Variants in RASA1 observed in about 807,000 individuals in gnomAD.
RASA1 encodes ras GTPase-activating protein 1.
Under a neutral mutation model 132.2 loss-of-function variants are expected in RASA1, and 25 were observed. The ratio of observed to expected loss-of-function variants is 0.19; its 90% CI spans 0.14 to 0.26. The LOEUF is 0.26. RASA1 is among the 10% of genes least tolerant of loss of function. RASA1 has a pLI of 1.00. For missense variants in RASA1, 964 were observed against 1,299.2 expected (o/e 0.74, Z 3.97); for synonymous variants, 477 against 449.9 (o/e 1.06, Z -0.76).
At chr5:87,275,711 C>G (rs1032477217) in intron 1 of RASA1, among the ~76,000 whole-genome samples, 4 of 152,128 alleles carry the variant, frequency 2.6e-5, no homozygotes, top group Non-Finnish European at 4.4e-5. Context: ...GCTGGCATTA[C>G]AGGTGCGTGC....
At chr5:87,284,802 C>G (rs1754471727) in intron 1 of RASA1, among the ~76,000 whole-genome samples, 1 of 152,080 alleles carries the variant, frequency 6.6e-6, no homozygotes, top group African/African-American at 2.4e-5. Flanking sequence ...ATCATATCCT[C>G]TAGTTAATAT....
intron 1 of RASA1, among the ~76,000 whole-genome samples, chr5:87,301,431 A>G (rs1041321249): frequency 2.0e-5 from 3 of 152,150 alleles, no homozygotes; most frequent in African/African-American, 7.2e-5. Context: ...TGTGTAATCC[A>G]TACTTAAAGA....
intron 9 of RASA1, among the ~76,000 whole-genome samples, chr5:87,361,192 G>A (rs1310376159): frequency 6.6e-6 from 1 of 152,198 alleles, no homozygotes; most frequent in African/African-American, 2.4e-5. Context: ...CAGCATGTTA[G>A]GGAATGAGCA....
chr5:87,385,441 T>C (rs1444034089), intron 22 of RASA1, 52 bp downstream of exon 22: 2 of 1,341,118 alleles, frequency 1.5e-6, no homozygotes, highest in South Asian at 1.2e-5. Flanking sequence ...AAGTTTGACA[T>C]GATAAAACCA....
In RASA1 at chr5:87,363,380, A is replaced by G; in HGVS notation, c.1486A>G (p.Ile496Val). ...AAAACGTTGGAAAAATTTATATTTT[A>G]TCTTAGAGGGTAGTGATGCCCAACT... ...KGKRWKNLYF[I>V]LEGSDAQLIY... The change falls in exon 11 of 25, where the codon ATC becomes GTC. Residue 496 changes from isoleucine to valine, a missense_variant. Coordinates refer to ENST00000274376, the MANE Select transcript of RASA1 (RefSeq NM_002890.3). 6.2e-7 allele frequency: 1 copy of G among 1,611,160 alleles called. No individual in the cohort carries two copies. Among genetic ancestry groups the G allele is most frequent in the Non-Finnish European group, 8.5e-7 (1 of 1,177,854 alleles).
At chr5:87,356,572 T>TA (rs1341023310) in intron 9 of RASA1, among the ~76,000 whole-genome samples, 1 of 152,072 alleles carries the variant, frequency 6.6e-6, no homozygotes, top group Non-Finnish European at 1.5e-5. Context: ...TTTGTAGAGA[T>TA]AGAGTCTTGC....
intron 1 of RASA1, among the ~76,000 whole-genome samples, chr5:87,302,610 ATAG>A (rs1246553157): frequency 6.6e-6 from 1 of 151,522 alleles, no homozygotes; most frequent in African/African-American, 2.4e-5. Flanking sequence ...ACTGTATAGT[ATAG>A]TATACTATAC....
At chr5:87,361,240 G>A (rs1760070280) in intron 9 of RASA1, among the ~76,000 whole-genome samples, 1 of 152,214 alleles carries the variant, frequency 6.6e-6, no homozygotes, top group Admixed American at 6.5e-5. Context: ...ATAAAAAACA[G>A]GTGGTGGACT....
chr5:87,386,999 C>T (rs1370987097), intron 23 of RASA1, 96 bp downstream of exon 23: 44 of 1,176,646 alleles, frequency 3.7e-5, no homozygotes, highest in Non-Finnish European at 5.3e-5. Flanking sequence ...GATTTTCTAT[C>T]CAAAACTAAA....
chr5:87,376,784 A>G, intron 16 of RASA1, 97 bp from the exon 17 acceptor site: 9 of 1,325,798 alleles, frequency 6.8e-6, no homozygotes, highest in Non-Finnish European at 9.6e-6. Flanking sequence ...ATCATTTTAA[A>G]TATAAGAACT....
chr5:87,335,303 T>A (rs1427325039), intron 4 of RASA1, among the ~76,000 whole-genome samples: 1 of 152,128 alleles, frequency 6.6e-6, no homozygotes, highest in Non-Finnish European at 1.5e-5. Flanking sequence ...AATGACAAAA[T>A]TTGAGTTTTG....
chr5:87,368,320 C>T (rs894068280), intron 11 of RASA1, among the ~76,000 whole-genome samples: 1 of 151,978 alleles, frequency 6.6e-6, no homozygotes, highest in Non-Finnish European at 1.5e-5. Context: ...TTTAAAGATA[C>T]AGTTTCTGGC....
intron 23 of RASA1, 143 bp downstream of exon 23, chr5:87,387,046 A>G: frequency 1.4e-6 from 1 of 698,370 alleles, no homozygotes; most frequent in Non-Finnish European, 2.4e-6. Context: ...CTGCCTTCCT[A>G]AACAAAAAAC....
At position 87,349,290 on chromosome 5, in the gene RASA1, T is replaced by C. The variant is rs1759089646; in HGVS notation, c.1179T>C (p.Asn393=). Residue 393 remains asparagine, a synonymous_variant, in exon 8 of 25, where the codon AAT becomes AAC. Coordinates refer to ENST00000274376, the MANE Select transcript of RASA1 (RefSeq NM_002890.3). ...PGDYSLYFRT[N]ENIQRFKICP... is the part of the protein sequence containing the mutation. ...ATTATTCACTTTATTTCCGGACCAA[T>C]GAAAATATTCAGCGATTTAAAATAT... 1 of 1,612,226 alleles carries C rather than the reference T, an allele frequency of 6.2e-7. No homozygotes were observed. The highest frequency in any genetic ancestry group is 8.5e-7 in the Non-Finnish European group (1 of 1,178,838).
chr5:87,298,816 A>G (rs1580214419), intron 1 of RASA1, among the ~76,000 whole-genome samples: 1 of 152,336 alleles, frequency 6.6e-6, no homozygotes, highest in South Asian at 2.1e-4. Context: ...AGTTTTGAAC[A>G]AAGAGAGCGA....
intron 16 of RASA1, 69 bp from the exon 17 acceptor site, chr5:87,376,812 C>T (rs901127491): frequency 8.3e-5 from 120 of 1,450,766 alleles, no homozygotes; most frequent in Non-Finnish European, 1.0e-4. Flanking sequence ...GAACATATTT[C>T]TTGTTAGTCT....
intron 8 of RASA1, among the ~76,000 whole-genome samples, chr5:87,350,577 C>T (rs1167817763): frequency 1.3e-5 from 2 of 151,534 alleles, no homozygotes; most frequent in Non-Finnish European, 3.0e-5. Context: ...GGAAATTCTT[C>T]CTACATACTG....
At chr5:87,295,501 ATTTAT>A (rs1755080225) in intron 1 of RASA1, among the ~76,000 whole-genome samples, 3 of 150,118 alleles carry the variant, frequency 2.0e-5, no homozygotes, top group Admixed American at 6.6e-5. Flanking sequence ...ATATATATAT[ATTTAT>A]TTTATTTTAT....
chr5:87,368,903 C>A (rs915397427), intron 11 of RASA1, among the ~76,000 whole-genome samples: 1 of 152,134 alleles, frequency 6.6e-6, no homozygotes, highest in Non-Finnish European at 1.5e-5. Flanking sequence ...TTTTGTATTA[C>A]TATTTTAAGT....
Sources: gnomAD v4.1 joint callset for allele counts (sites outside exome capture counted in the v4.1 genomes callset) on GRCh38, gnomAD v4.1.1 for gene constraint, MANE v1.5 for transcripts, NCBI Gene and HGNC (gene_info 2026-07-23, HGNC 2026-07-21) for gene names.